Variants in ZNF483 observed in about 807,000 individuals in gnomAD.
The protein encoded by ZNF483 is zinc finger protein 483, also known as zinc finger protein HIT-10.
A neutral mutation model predicts 28.6 loss-of-function variants in ZNF483; 9 were observed. The ratio of observed to expected loss-of-function variants is 0.32; its 90% CI spans 0.19 to 0.55. ZNF483 has a LOEUF of 0.55. ZNF483 is among the 20% of genes least tolerant of loss of function. The pLI, the probability that ZNF483 is intolerant of heterozygous loss-of-function variation, is 0.93. For synonymous variants in ZNF483, 322 were observed against 306.2 expected, an observed-to-expected ratio of 1.05 and a Z score of -0.54; for missense variants, 675 against 871.7, an observed-to-expected ratio of 0.77 and a Z score of 2.84.
rs1275018952 is a variant in ZNF483, at chr9:111,550,638, A to C, written c.*7468A>C. 2.0e-5 allele frequency among the ~76,000 whole-genome samples: 3 copies of C among 152,118 alleles called. No homozygotes were observed. Among genetic ancestry groups the C allele is most frequent in the Admixed American group, 1.3e-4 (2 of 15,274 alleles). Reference sequence around the variant, plus strand: ...CGATGTAATTATTATCTAGGTGGAGAGGTGGATTCCTGGGCCACTCTATCC... The same window carrying C: ...CGATGTAATTATTATCTAGGTGGAGCGGTGGATTCCTGGGCCACTCTATCC... On this transcript the variant is annotated 3_prime_UTR_variant, in exon 6 of 6. Coordinates refer to ENST00000309235, the MANE Select transcript of ZNF483 (RefSeq NM_133464.5).
In ZNF483 at chr9:111,547,795, T is replaced by G. The variant is rs1474000402; in HGVS notation, c.*4625T>G. On this transcript the variant is annotated 3_prime_UTR_variant, in exon 6 of 6. Coordinates refer to ENST00000309235, the MANE Select transcript of ZNF483 (RefSeq NM_133464.5). ...GTCTTATGTTTAAGTCTTTTAACCA[T>G]TTTGATTTTTATGTATGGTAAAGGG... 1.3e-5 allele frequency among the ~76,000 whole-genome samples: 2 copies of G among 152,210 alleles called. No homozygotes were observed. The highest frequency in any genetic ancestry group is 2.9e-5 in the Non-Finnish European group (2 of 68,004).
rs59481279 is a variant in ZNF483, at chr9:111,555,086, G to A, written c.*11916G>A. On this transcript the variant is annotated 3_prime_UTR_variant, in exon 6 of 6. Coordinates refer to ENST00000309235, the MANE Select transcript of ZNF483 (RefSeq NM_133464.5). ...AGCAGGCAGAGGCACGCCACATGGT[G>A]GGATAGGAGTTGGAGTTCATCCCCT... Among the ~76,000 whole-genome samples the A allele has an allele frequency of 0.01, 1,560 of 152,230 alleles. 33 individuals carry two copies. The highest frequency in any genetic ancestry group is 0.036 in the African/African-American group (1,502 of 41,544).
intron 5 of ZNF483, among the ~76,000 whole-genome samples, chr9:111,537,433 G>C (rs944050314): frequency 1.3e-5 from 2 of 151,886 alleles, no homozygotes; most frequent in Non-Finnish European, 2.9e-5. Context: ...TGTTGATCTC[G>C]AGCTCCTGAC....
Position 111,555,015 on chromosome 9 carries a change from G to A in ZNF483, c.*11845G>A, listed in dbSNP as rs1000300035. On this transcript the variant is annotated 3_prime_UTR_variant, in exon 6 of 6. Coordinates refer to ENST00000309235, the MANE Select transcript of ZNF483 (RefSeq NM_133464.5). ...CTCTTTAATTTCCCCAGAGAAGGAT[G>A]TTCTAGTCAGCATGGGGGATATAAG... Among the ~76,000 whole-genome samples the A allele has an allele frequency of 2.0e-5, 3 of 152,192 alleles. No individual in the cohort carries two copies. Among genetic ancestry groups the A allele is most frequent in the African/African-American group, 7.2e-5 (3 of 41,448 alleles).
At chr9:111,573,273 A>C (rs1484531702) in intron 5 of ZNF483, among the ~76,000 whole-genome samples, 1 of 151,530 alleles carries the variant, frequency 6.6e-6, no homozygotes, top group Non-Finnish European at 1.5e-5. Context: ...CAGTTAGAAA[A>C]TTATAGGGGG....
rs192047842 is a variant in ZNF483 at position 111,553,801 on chromosome 9, C to T, written c.*10631C>T. Among the ~76,000 whole-genome samples the T allele has an allele frequency of 1.1e-4, 17 of 152,300 alleles. No individual in the cohort carries two copies. The East Asian group carries it at 3.1e-3, about 28-fold the overall frequency. ...GTGTGGATTTCCATTTCTCACTAGC[C>T]TCAAGTGACTACCATATTAAGTTGC... On this transcript the variant is annotated 3_prime_UTR_variant, in exon 6 of 6. Transcript: ENST00000309235.
chr9:111,532,577 C>T (rs995012006), intron 3 of ZNF483, among the ~76,000 whole-genome samples: 29 of 152,158 alleles, frequency 1.9e-4, no homozygotes, highest in Non-Finnish European at 1.5e-5. Context: ...GCCCTGCCAA[C>T]ACCTAGATCT....
Position 111,565,156 on chromosome 9 carries a change from C to T in ZNF483, c.722-11209C>T, listed in dbSNP as rs374964503. The stretch of plus-strand genomic sequence containing the variant: ...AAAAGTACTTAAGGTAAAACAAAGT[C>T]ACACAGGTGGGCCTTAATCAATATG... On this transcript the variant is annotated intron_variant, in intron 5 of 5. Transcript: ENST00000358151. 9.9e-5 allele frequency among the ~76,000 whole-genome samples: 15 copies of T among 152,030 alleles called. No individual in the cohort carries two copies. In the South Asian group the frequency reaches 2.5e-3, roughly 25 times the overall value.
At chr9:111,575,824 G>A (rs916636236) in intron 5 of ZNF483, among the ~76,000 whole-genome samples, 14 of 152,098 alleles carry the variant, frequency 9.2e-5, no homozygotes, top group Non-Finnish European at 1.8e-4. Context: ...AAATATTCAT[G>A]ACTCTGAGAA....
intron 3 of ZNF483, among the ~76,000 whole-genome samples, chr9:111,531,395 G>C (rs564308458): frequency 6.6e-6 from 1 of 151,382 alleles, no homozygotes; most frequent in Admixed American, 6.6e-5. Flanking sequence ...TTTCTTTCTT[G>C]AGACAGAGTT....
Position 111,542,936 on chromosome 9 carries a change from ATG to A in ZNF483, c.2004_2005del (p.Cys668TrpfsTer11). ...TGVKPYKCKE[C>X]GKSFSQSSSL... ...GTGTAAAACCTTATAAATGTAAAGA[ATG>A]TGGGAAGTCCTTCAGTCAGAGTTCA... On this transcript the variant is annotated frameshift_variant, in exon 6 of 6. Transcript: ENST00000309235. LOFTEE classifies it low-confidence loss of function (END_TRUNC). This position sits in a 1 kb window ranked among gnomAD's most constrained non-coding sequence, Gnocchi z 6.2. 6.2e-7 allele frequency: 1 copy of A among 1,614,112 alleles called. No individual in the cohort carries two copies. Among genetic ancestry groups the A allele is most frequent in the Non-Finnish European group, 8.5e-7 (1 of 1,179,996 alleles).
At position 111,544,188 on chromosome 9, in the gene ZNF483, G is replaced by A; in HGVS notation, c.*1018G>A. 1 of 985,466 alleles carries A rather than the reference G, an allele frequency of 1.0e-6. No individual in the cohort carries two copies. Among genetic ancestry groups the A allele is most frequent in the South Asian group, 4.7e-5 (1 of 21,284 alleles). 61.0% of individuals were successfully genotyped at this position (985,466 alleles called of 1,614,324 possible). ...AGATGGGGGCTGGGGGTAAGGAAATGTGCTGAAGACAGAGCTATTCTGGAT... is the reference window on the plus strand; with the variant it reads ...AGATGGGGGCTGGGGGTAAGGAAATATGCTGAAGACAGAGCTATTCTGGAT... On this transcript the variant is annotated 3_prime_UTR_variant, in exon 6 of 6. Coordinates refer to ENST00000309235, the MANE Select transcript of ZNF483 (RefSeq NM_133464.5).
chr9:111,543,436 A>G lies in ZNF483; in HGVS notation c.*266A>G. ...TTGGAAAAGCTCTTTTCTTCAGGGGATTTCTCTCTGATTTCTTCTACTACC... is the reference window on the plus strand; with the variant it reads ...TTGGAAAAGCTCTTTTCTTCAGGGGGTTTCTCTCTGATTTCTTCTACTACC... On this transcript the variant is annotated 3_prime_UTR_variant, in exon 6 of 6. Coordinates refer to ENST00000309235, the MANE Select transcript of ZNF483 (RefSeq NM_133464.5). 8.4e-7 allele frequency: 1 copy of G among 1,189,890 alleles called. No individual in the cohort carries two copies. The highest frequency in any genetic ancestry group is 1.0e-6 in the Non-Finnish European group (1 of 957,610). The allele number at this position is 1,189,890 out of a possible 1,614,324, so 73.7% of individuals were successfully genotyped here.
At chr9:111,532,289 C>A (rs1376956621) in intron 3 of ZNF483, among the ~76,000 whole-genome samples, 3 of 152,096 alleles carry the variant, frequency 2.0e-5, no homozygotes, top group African/African-American at 7.2e-5. Flanking sequence ...TATGATTACG[C>A]CACCGTACTC....
In ZNF483 at chr9:111,527,457, C is replaced by T. The variant is rs1827209600; in HGVS notation, c.62C>T (p.Ala21Val). ...TAISPEPQTL[A>V]STEQNEVPRV... ...ATCTCACCAGAACCTCAAACTCTGGCCTCGACTGAACAAAATGAGGTCCCA... is the reference window on the plus strand; with the variant it reads ...ATCTCACCAGAACCTCAAACTCTGGTCTCGACTGAACAAAATGAGGTCCCA... The change falls in exon 2 of 6, where the codon GCC becomes GTC. Residue 21 changes from alanine to valine, a missense_variant. Around this residue, in one of 6 missense-constraint regions of ZNF483, gnomAD observed 525 missense variants for 581.8 expected, o/e 0.90. Transcript: ENST00000309235. The T allele has an allele frequency of 6.2e-7, 1 of 1,614,028 alleles. No homozygotes were observed. The highest frequency in any genetic ancestry group is 8.5e-7 in the Non-Finnish European group (1 of 1,180,048).
At position 111,527,624 on chromosome 9, in the gene ZNF483, T is replaced by C; in HGVS notation, c.229T>C (p.Cys77Arg). Reference protein sequence around the residue: ...RKALSQLWELCNQWLRPDIHT... With the variant: ...RKALSQLWELRNQWLRPDIHT... ...AGCTCTGAGTCAACTCTGGGAGCTC[T>C]GCAATCAGTGGCTGAGACCAGACAT... The change falls in exon 2 of 6, where the codon TGC becomes CGC. Residue 77 changes from cysteine to arginine, a missense_variant. Physicochemically the swap from Cys to Arg is radical, Grantham distance 180. Transcript: ENST00000309235. 6.2e-7 allele frequency: 1 copy of C among 1,614,204 alleles called. No homozygotes were observed. Among genetic ancestry groups the C allele is most frequent in the Non-Finnish European group, 8.5e-7 (1 of 1,180,050 alleles).
chr9:111,571,602 C>T (rs1257129862), intron 5 of ZNF483, among the ~76,000 whole-genome samples: 1 of 132,306 alleles, frequency 7.6e-6, no homozygotes, highest in South Asian at 2.7e-4. Flanking sequence ...CTCCGCCCTG[C>T]AAGTAGCTGG....
chr9:111,540,798 G>A (rs1827652590), intron 5 of ZNF483, among the ~76,000 whole-genome samples: 1 of 152,130 alleles, frequency 6.6e-6, no homozygotes, highest in African/African-American at 2.4e-5. Flanking sequence ...TCAAGAGCAC[G>A]GGCTTTGGTT....
intron 5 of ZNF483, among the ~76,000 whole-genome samples, chr9:111,571,774 G>T (rs1433448150): frequency 6.6e-6 from 1 of 152,136 alleles, no homozygotes; most frequent in African/African-American, 2.4e-5. Context: ...AAAATATTGG[G>T]ATTACAGGCA....
Sources: gnomAD v4.1 joint callset for allele counts (sites outside exome capture counted in the v4.1 genomes callset) on GRCh38, gnomAD v4.1.1 for gene constraint, gnomAD v4.1.1 regional missense constraint, Gnocchi (gnomAD v3.1) non-coding constraint, MANE v1.5 for transcripts, NCBI Gene and HGNC (gene_info 2026-07-23, HGNC 2026-07-21) for gene names.